The following ASPH variants were observed in gnomAD, a reference collection of about 807,000 sequenced individuals.
ASPH encodes the protein aspartate beta-hydroxylase.
ASPH carries 100 observed loss-of-function variants against 118.4 expected under a neutral mutation model. The ratio of observed to expected loss-of-function variants is 0.84; its 90% CI spans 0.72 to 1.00. ASPH has a LOEUF of 1.00. Among genes scored for constraint, ASPH ranks in the 50% least tolerant of loss-of-function variants. The pLI is 0.00. For synonymous variants in ASPH, 315 were observed against 325.6 expected (o/e 0.97, Z 0.35); for missense variants, 920 against 919.5 (o/e 1.00, Z -0.01).
intron 1 of ASPH, among the ~76,000 whole-genome samples, chr8:61,701,648 T>C (rs963097570): frequency 5.9e-5 from 9 of 152,222 alleles, no homozygotes; most frequent in African/African-American, 2.2e-4. Context: ...ATGGACCAGC[T>C]AGAAACCACC....
At chr8:61,559,048 A>T (rs1402367108) in intron 18 of ASPH, among the ~76,000 whole-genome samples, 4 of 151,840 alleles carry the variant, frequency 2.6e-5, no homozygotes, top group Non-Finnish European at 5.9e-5. Flanking sequence ...TAATTTTTTA[A>T]TTTTTGTAGG....
At chr8:61,567,832 TA>T (rs2131732788) in intron 16 of ASPH, among the ~76,000 whole-genome samples, 1 of 152,340 alleles carries the variant, frequency 6.6e-6, no homozygotes, top group South Asian at 2.1e-4. Flanking sequence ...CTAACAGCCA[TA>T]AGTGCTGTGG....
intron 21 of ASPH, among the ~76,000 whole-genome samples, chr8:61,530,426 T>C (rs1294233311): frequency 6.6e-6 from 1 of 152,196 alleles, no homozygotes; most frequent in African/African-American, 2.4e-5. Flanking sequence ...TCTAGGCATC[T>C]ATAAATGGCC....
intron 3 of ASPH, among the ~76,000 whole-genome samples, chr8:61,677,498 G>A (rs1825965573): frequency 6.6e-6 from 1 of 152,096 alleles, no homozygotes; most frequent in African/African-American, 2.4e-5. Flanking sequence ...CAGCAATCAA[G>A]ATAGGCAGAT....
At chr8:61,503,608 A>AC in intron 24 of ASPH, 99 bp from the exon 25 acceptor site, 6 of 1,183,806 alleles carry the variant, frequency 5.1e-6, no homozygotes, top group Middle Eastern at 2.3e-4. Flanking sequence ...TTTGGTAACA[A>AC]CCTTTGGGAC....
intron 17 of ASPH, among the ~76,000 whole-genome samples, chr8:61,566,837 A>G (rs561515046): frequency 6.6e-5 from 10 of 152,308 alleles, no homozygotes; most frequent in Non-Finnish European, 1.3e-4. Context: ...TTGTCTTTTA[A>G]ACCATAATGT....
chr8:61,539,699 G>GGGGTGTGTGT (rs1554618405), intron 21 of ASPH, among the ~76,000 whole-genome samples: 170 of 124,306 alleles, frequency 1.4e-3, no homozygotes, highest in Non-Finnish European at 1.7e-3. Flanking sequence ...ACACTTCTGG[G>GGGGTGTGTGT]GTGTGTGTGT....
At chr8:61,505,962 A>C (rs1175972524) in intron 24 of ASPH, among the ~76,000 whole-genome samples, 1 of 152,220 alleles carries the variant, frequency 6.6e-6, no homozygotes, top group East Asian at 1.9e-4. Flanking sequence ...ACCACAAACG[A>C]GCCTATAATT....
intron 14 of ASPH, among the ~76,000 whole-genome samples, chr8:61,610,442 C>T (rs1846964158): frequency 6.6e-6 from 1 of 152,206 alleles, no homozygotes; most frequent in African/African-American, 2.4e-5. Context: ...CATAATTAAA[C>T]TTCTCTCTAA....
chr8:61,576,977 A>G (rs570499771), intron 15 of ASPH, 119 bp from the exon 16 acceptor site: 1 of 843,432 alleles, frequency 1.2e-6, no homozygotes, highest in Non-Finnish European at 1.7e-6. Flanking sequence ...TCCTGAGTGT[A>G]AAGATAGTTT....
At chr8:61,547,525 A>G (rs760980896) in intron 21 of ASPH, among the ~76,000 whole-genome samples, 1 of 152,188 alleles carries the variant, frequency 6.6e-6, no homozygotes, top group Non-Finnish European at 1.5e-5. Flanking sequence ...CAGAAGCTAC[A>G]TGAGGTAGGA....
intron 20 of ASPH, among the ~76,000 whole-genome samples, chr8:61,550,562 T>C (rs1031282930): frequency 6.6e-6 from 1 of 152,050 alleles, no homozygotes; most frequent in East Asian, 1.9e-4. Context: ...ATCTGTGGAA[T>C]GGGCTGTCAT....
At chr8:61,664,535 A>G (rs1236639275) in intron 3 of ASPH, 1 of 985,292 alleles carries the variant, frequency 1.0e-6, no homozygotes, top group African/African-American at 1.7e-5. Context: ...TATGTACTGG[A>G]TGATGGGAGA....
At chr8:61,569,614 T>TC (rs1233071565) in intron 16 of ASPH, among the ~76,000 whole-genome samples, 1 of 151,874 alleles carries the variant, frequency 6.6e-6, no homozygotes, top group Non-Finnish European at 1.5e-5. Flanking sequence ...TGAAATAACT[T>TC]GATAATATGA....
Position 61,630,591 on chromosome 8 carries a change from T to C in ASPH, c.934+3092A>G, listed in dbSNP as rs550497496. ...TCCCATTTGATAATGAAAATTCCTA[T>C]TGTCTAGATGCATCTTAGCTTTCAT... On this transcript the variant is annotated intron_variant, in intron 13 of 24. Transcript: ENST00000379454. Among the ~76,000 whole-genome samples, 3 of 152,306 alleles carry C rather than the reference T, an allele frequency of 2.0e-5. No individual in the cohort carries two copies. In the East Asian group the frequency reaches 5.8e-4, roughly 29 times the overall value.
intron 16 of ASPH, among the ~76,000 whole-genome samples, chr8:61,575,558 T>C (rs1834856993): frequency 6.6e-6 from 1 of 152,182 alleles, no homozygotes; most frequent in African/African-American, 2.4e-5. Flanking sequence ...TGGCTGTATC[T>C]CTAATGCTTA....
intron 7 of ASPH, 136 bp downstream of exon 7, chr8:61,644,464 G>T: frequency 3.3e-6 from 2 of 611,514 alleles, no homozygotes; most frequent in Non-Finnish European, 4.9e-6. Context: ...AATATAAGAC[G>T]TAATAAAATT....
intron 17 of ASPH, among the ~76,000 whole-genome samples, chr8:61,566,547 A>G (rs1010014924): frequency 2.6e-5 from 4 of 152,248 alleles, no homozygotes. Flanking sequence ...CCAATTTTGA[A>G]AAAAGTTCTG....
intron 16 of ASPH, among the ~76,000 whole-genome samples, chr8:61,570,128 T>A (rs954335176): frequency 6.6e-6 from 1 of 152,142 alleles, no homozygotes; most frequent in Non-Finnish European, 1.5e-5. Flanking sequence ...CTACTGAACA[T>A]CATAGCTTAG....
Sources: allele counts gnomAD v4.1 joint callset (sites outside exome capture counted in the v4.1 genomes callset), GRCh38; gene constraint gnomAD v4.1.1; transcripts MANE v1.5; gene names NCBI Gene and HGNC (gene_info 2026-07-23, HGNC 2026-07-21).